The following RTTN variants were observed in gnomAD, a reference collection of about 807,000 sequenced individuals.
RTTN encodes rotatin.
Under a neutral mutation model 269.2 loss-of-function variants are expected in RTTN, and 182 were observed. The observed-to-expected ratio is 0.68, with a 90% CI of 0.60 to 0.76. The LOEUF (loss-of-function observed/expected upper bound fraction) is 0.76. Among genes scored for constraint, RTTN ranks in the 30% least tolerant of loss-of-function variants. The pLI is 0.00. For missense variants in RTTN, 2,545 were observed against 2,608.6 expected (o/e 0.98, Z 0.53); for synonymous variants, 1,006 against 963.5 (o/e 1.04, Z -0.82).
chr18:70,047,920 AATTT>A, intron 40 of RTTN, 47 bp downstream of exon 40: 1 of 1,427,982 alleles, frequency 7.0e-7, no homozygotes, highest in East Asian at 2.3e-5. Flanking sequence ...ACTGAAAGTC[AATTT>A]ATTTAAACGC....
chr18:70,057,628 C>T, intron 37 of RTTN, 114 bp downstream of exon 37: 1 of 708,502 alleles, frequency 1.4e-6, no homozygotes, highest in East Asian at 2.7e-5. Flanking sequence ...CTCATCATAC[C>T]ATGTATATTT....
intron 10 of RTTN, among the ~76,000 whole-genome samples, chr18:70,186,799 A>G (rs1298992726): frequency 1.3e-5 from 2 of 152,206 alleles, no homozygotes; most frequent in Non-Finnish European, 2.9e-5. Flanking sequence ...ATTCTCACTT[A>G]TAAGTGGGAG....
At chr18:70,113,977 GCAAACATTGCGGATATA>G (rs986611611) in intron 27 of RTTN, among the ~76,000 whole-genome samples, 1 of 152,132 alleles carries the variant, frequency 6.6e-6, no homozygotes, top group African/African-American at 2.4e-5. Context: ...GGTGACAGTT[GCAAACATTGCGGATATA>G]CTAAAACCAT....
chr18:70,039,581 A>T (rs1431262850), intron 40 of RTTN, among the ~76,000 whole-genome samples: 1 of 152,216 alleles, frequency 6.6e-6, no homozygotes, highest in Non-Finnish European at 1.5e-5. Flanking sequence ...AATCTGAAAT[A>T]AAAGGATGTT....
intron 34 of RTTN, among the ~76,000 whole-genome samples, chr18:70,069,713 G>T (rs2058245025): frequency 6.6e-6 from 1 of 152,144 alleles, no homozygotes; most frequent in Admixed American, 6.5e-5. Flanking sequence ...TTGCCAAAAT[G>T]ATCTTGTAAT....
intron 28 of RTTN, among the ~76,000 whole-genome samples, chr18:70,095,397 T>C (rs1269133228): frequency 6.6e-6 from 1 of 152,184 alleles, no homozygotes; most frequent in African/African-American, 2.4e-5. Flanking sequence ...ATAGCATCAA[T>C]GGTCTTTATA....
chr18:70,109,893 C>T (rs2059418227), intron 27 of RTTN, among the ~76,000 whole-genome samples, 176 bp from the exon 28 acceptor site: 1 of 151,932 alleles, frequency 6.6e-6, no homozygotes, highest in Non-Finnish European at 1.5e-5. Flanking sequence ...GCATAAAATA[C>T]CAACTAGAGA....
chr18:70,145,298 T>C (rs371859792), intron 18 of RTTN, among the ~76,000 whole-genome samples: 3 of 152,180 alleles, frequency 2.0e-5, no homozygotes, highest in Admixed American at 6.6e-5. Flanking sequence ...TATATTACAA[T>C]GTAATAACAA....
chr18:70,162,968 A>G (rs2060879524), intron 14 of RTTN, among the ~76,000 whole-genome samples: 2 of 149,048 alleles, frequency 1.3e-5, no homozygotes. Flanking sequence ...AAGAAAAGGT[A>G]TAGACATGAA....
At position 70,127,519 on chromosome 18, in the gene RTTN, C is replaced by T; in HGVS notation, c.3366G>A (p.Trp1122Ter). 6.2e-7 allele frequency: 1 copy of T among 1,613,258 alleles called. No homozygotes were observed. Among genetic ancestry groups the T allele is most frequent in the Non-Finnish European group, 8.5e-7 (1 of 1,179,578 alleles). Residue 1122 changes from tryptophan to a stop codon, truncating the protein, a stop_gained, in exon 25 of 49, where the codon TGG becomes TGA. Coordinates refer to ENST00000640769, the MANE Select transcript of RTTN (RefSeq NM_173630.4). LOFTEE classifies it high-confidence loss of function. The stretch of plus-strand genomic sequence containing the variant: ...ACACTGACCTGTTTAGTGCGGTGTG[C>T]CAAGCCAAGGACTTCAAGGTAACCC... The part of the protein sequence containing the change: ...PCGVTLKSLA[W>*]HTALNRFLQV...
At chr18:70,016,344 T>C (rs1450560799) in intron 46 of RTTN, among the ~76,000 whole-genome samples, 1 of 152,226 alleles carries the variant, frequency 6.6e-6, no homozygotes, top group Non-Finnish European at 1.5e-5. Flanking sequence ...ATTTATCATG[T>C]ACCAGAAATA....
In RTTN at chr18:70,199,459, A is replaced by G. The variant is rs200671558; in HGVS notation, c.533T>C (p.Leu178Pro). 1 of 1,613,290 alleles carries G rather than the reference A, an allele frequency of 6.2e-7. No individual in the cohort carries two copies. Among genetic ancestry groups the G allele is most frequent in the South Asian group, 1.1e-5 (1 of 91,070 alleles). Residue 178 changes from leucine to proline, a missense_variant, in exon 5 of 49, where the codon CTA becomes CCA. By Grantham distance (98) the Leu-to-Pro change is moderately conservative. Transcript: ENST00000640769. The part of the protein sequence containing the change: ...KCLKFSTFPW[L>P]PLTTTDRHVL... ...ATGTCTGTCTGTGGTGGTCAGGGGT[A>G]GCCAAGGAAATGTAGAAAACTTCAA...
At position 70,005,229 on chromosome 18, in the gene RTTN, T is replaced by G. The variant is rs1206289598; in HGVS notation, c.6564A>C (p.Arg2188Ser). Residue 2188 changes from arginine to serine, a missense_variant, in exon 48 of 49, where the codon AGA becomes AGC. Transcript: ENST00000640769. The stretch of plus-strand genomic sequence containing the variant: ...TTGCTAAGGAGTATGCTTCATCCAC[T>G]CTTCTTTTTACTGATGGGCTTTTCA... ...TALKSPSVKR[R>S]VDEAYSLAKK... 1 of 1,612,840 alleles carries G rather than the reference T, an allele frequency of 6.2e-7. No individual in the cohort carries two copies. Among genetic ancestry groups the G allele is most frequent in the South Asian group, 1.1e-5 (1 of 90,926 alleles).
chr18:70,115,403 G>A (rs943507004), intron 26 of RTTN, among the ~76,000 whole-genome samples: 13 of 151,326 alleles, frequency 8.6e-5, no homozygotes, highest in African/African-American at 3.2e-4. Context: ...AATAGATAAA[G>A]GAATATAAGA....
intron 28 of RTTN, among the ~76,000 whole-genome samples, chr18:70,102,118 G>T (rs935288737): frequency 6.6e-6 from 1 of 152,162 alleles, no homozygotes; most frequent in African/African-American, 2.4e-5. Flanking sequence ...CTGAGTTCAA[G>T]TCCTGGATAT....
At chr18:70,063,080 T>C (rs544559211) in intron 35 of RTTN, among the ~76,000 whole-genome samples, 1 of 152,334 alleles carries the variant, frequency 6.6e-6, no homozygotes, top group Non-Finnish European at 1.5e-5. Flanking sequence ...CAAGTACATA[T>C]GTATTTTTAT....
At chr18:70,025,443 A>G (rs539131288) in intron 43 of RTTN, among the ~76,000 whole-genome samples, 5 of 152,342 alleles carry the variant, frequency 3.3e-5, no homozygotes, top group South Asian at 2.1e-4. Flanking sequence ...AAGTGCAGCA[A>G]TATCTATTTT....
At chr18:70,005,335 G>T in intron 47 of RTTN, 68 bp from the exon 48 acceptor site, 1 of 1,056,140 alleles carries the variant, frequency 9.5e-7, no homozygotes, top group Non-Finnish European at 1.5e-6. Flanking sequence ...CACTAATTCT[G>T]CCCATTGCTA....
intron 46 of RTTN, chr18:70,007,684 T>A (rs2056237069): frequency 6.6e-6 from 1 of 152,274 alleles, no homozygotes; most frequent in Non-Finnish European, 1.5e-5. Context: ...AGCAAAGACG[T>A]TGTACCCAAA....
Sources: allele counts gnomAD v4.1 joint callset (sites outside exome capture counted in the v4.1 genomes callset), GRCh38; gene constraint gnomAD v4.1.1; transcripts MANE v1.5; gene names NCBI Gene and HGNC (gene_info 2026-07-23, HGNC 2026-07-21).